SYTL2: variants seen among roughly 807,000 people sequenced by gnomAD.
SYTL2 encodes the protein synaptotagmin-like protein 2.
SYTL2 carries 165 observed loss-of-function variants against 198.7 expected under a neutral mutation model. That is an observed-to-expected ratio of 0.83 (90% CI 0.73 to 0.94). The LOEUF is 0.94. Ranked by LOEUF, SYTL2 falls within the 40% of genes least tolerant of loss-of-function variation. SYTL2 has a pLI of 0.00. For synonymous variants in SYTL2, 966 were observed against 917.7 expected (o/e 1.05, Z -0.95); for missense variants, 2,835 against 2,582.8 (o/e 1.10, Z -2.12).
At chr11:85,853,966 T>C in the SYTL2 span, 1 of 152,082 alleles carries the variant, frequency 6.6e-6, no homozygotes, top group Non-Finnish European at 1.5e-5. Flanking sequence ...GGCCTCCACC[T>C]CCGAAGTAGC....
chr11:85,735,757 CAA>C (rs879383911), intron 6 of SYTL2, among the ~76,000 whole-genome samples: 5 of 123,212 alleles, frequency 4.1e-5, no homozygotes, highest in African/African-American at 3.0e-5. Context: ...ACTCCATGGC[CAA>C]AAAAAAAAAA....
intron 1 of SYTL2, among the ~76,000 whole-genome samples, chr11:85,762,193 C>G (rs941794889): frequency 2.0e-5 from 3 of 152,200 alleles, no homozygotes; most frequent in Non-Finnish European, 4.4e-5. Flanking sequence ...AAGAGACTCA[C>G]CGACCCAGAC....
At chr11:85,797,862 C>G (rs750019578) in intron 1 of SYTL2, among the ~76,000 whole-genome samples, 21 of 151,460 alleles carry the variant, frequency 1.4e-4, no homozygotes, top group Admixed American at 2.0e-4. Context: ...TGTTGTTGTT[C>G]TTGCTGCTTG....
chr11:85,854,001 T>A, the SYTL2 span: 4 of 151,950 alleles, frequency 2.6e-5, no homozygotes, highest in African/African-American at 9.7e-5. Context: ...CTCACCACTA[T>A]GCCTGGCTAA....
At chr11:85,833,024 AAAGAAAGAAAGAAAGAAAGAAAG>A in the SYTL2 span, among the ~76,000 whole-genome samples, 82 of 18,524 alleles carry the variant, frequency 4.4e-3, 7 homozygotes, top group Admixed American at 0.017. Flanking sequence ...AGAAAGAAAG[AAAGAAAGAAAGAAAGAAAGAAAG>A]AAAGAAAGAA....
At chr11:85,810,002 G>C (rs1270362345) in intron 1 of SYTL2, among the ~76,000 whole-genome samples, 1 of 151,914 alleles carries the variant, frequency 6.6e-6, no homozygotes, top group African/African-American at 2.4e-5. Flanking sequence ...CACCATCCTG[G>C]TGGGGAATGG....
At chr11:85,710,083 C>A (rs2085982196) in intron 13 of SYTL2, among the ~76,000 whole-genome samples, 1 of 152,122 alleles carries the variant, frequency 6.6e-6, no homozygotes. Context: ...TGATTTTATG[C>A]TAGGTGGCAT....
chr11:85,775,063 GGA>G (rs2092428086), intron 1 of SYTL2, among the ~76,000 whole-genome samples: 1 of 152,014 alleles, frequency 6.6e-6, no homozygotes, highest in Admixed American at 6.6e-5. Context: ...GCTAGCTTAG[GGA>G]GAAAGAGATG....
upstream of SYTL2, among the ~76,000 whole-genome samples, chr11:85,815,411 A>AG (rs2153669091): frequency 6.6e-6 from 1 of 152,374 alleles, no homozygotes; most frequent in East Asian, 1.9e-4. Flanking sequence ...GAGTCACCAA[A>AG]GCAAGAATTT....
rs202186228 is a variant in SYTL2, at chr11:85,725,374, G to A, written c.3984C>T (p.Pro1328=). Residue 1328 remains proline, a synonymous_variant, in exon 8 of 20, where the codon CCC becomes CCT. Coordinates refer to ENST00000359152, the MANE Select transcript of SYTL2 (RefSeq NM_206927.4). ...KGSFGDVASP[P]QDMLFPQDAH... is the part of the protein sequence containing the mutation. ...CATCCTGGGGAAAAAGCATATCTTG[G>A]GGAGGGCTGGCCACATCCCCAAAAG... 94 of 1,613,824 alleles carry A rather than the reference G, an allele frequency of 5.8e-5. No individual in the cohort carries two copies. Among genetic ancestry groups the A allele is most frequent in the Admixed American group, 6.7e-5 (4 of 60,004 alleles).
intron 1 of SYTL2, among the ~76,000 whole-genome samples, chr11:85,767,611 T>C (rs1025606379): frequency 1.3e-5 from 2 of 152,074 alleles, no homozygotes; most frequent in Non-Finnish European, 2.9e-5. Flanking sequence ...TCACATACAC[T>C]CCTAACCAGA....
chr11:85,782,653 T>C (rs2092579591), intron 1 of SYTL2, among the ~76,000 whole-genome samples: 1 of 152,246 alleles, frequency 6.6e-6, no homozygotes, highest in Non-Finnish European at 1.5e-5. Flanking sequence ...AACTGAATGC[T>C]TTTAACAGCA....
intron 7 of SYTL2, 111 bp from the exon 8 acceptor site, chr11:85,728,078 A>T: frequency 1.1e-6 from 1 of 928,520 alleles, no homozygotes; most frequent in Non-Finnish European, 1.6e-6. Flanking sequence ...TTTCTATACC[A>T]ATAGCTGTTT....
At chr11:85,719,163 T>C (rs1446779709) in intron 9 of SYTL2, 2 of 1,361,462 alleles carry the variant, frequency 1.5e-6, no homozygotes, top group South Asian at 2.6e-5. Context: ...CTCTCTATTC[T>C]TCTGTAAAGG....
chr11:85,851,387 T>C, the SYTL2 span, among the ~76,000 whole-genome samples: 70 of 152,330 alleles, frequency 4.6e-4, no homozygotes, highest in African/African-American at 1.6e-3. Context: ...CTAGTTCGGG[T>C]CTTTACAAAT....
intron 1 of SYTL2, among the ~76,000 whole-genome samples, chr11:85,792,482 G>C (rs1330935582): frequency 6.6e-6 from 1 of 151,988 alleles, no homozygotes; most frequent in Non-Finnish European, 1.5e-5. Context: ...TGAAGTTGCA[G>C]AAAGTTATTT....
chr11:85,743,037 G>A (rs551651434), intron 4 of SYTL2, among the ~76,000 whole-genome samples: 12 of 152,242 alleles, frequency 7.9e-5, no homozygotes, highest in East Asian at 7.7e-4. Context: ...CCACAGAATC[G>A]TGCCCACAAC....
At chr11:85,700,485 C>A (rs1255538195) in intron 17 of SYTL2, 30 bp downstream of exon 17, 3 of 1,553,042 alleles carry the variant, frequency 1.9e-6, no homozygotes, top group South Asian at 1.1e-5. Flanking sequence ...AAGGAAAGGA[C>A]ATAAATCTGA....
At chr11:85,836,428 C>G in the SYTL2 span, among the ~76,000 whole-genome samples, 1 of 152,024 alleles carries the variant, frequency 6.6e-6, no homozygotes, top group Non-Finnish European at 1.5e-5. Context: ...CTGGAAATCT[C>G]TAATCTTATA....
Sources: gnomAD v4.1 joint callset for allele counts (sites outside exome capture counted in the v4.1 genomes callset) on GRCh38, gnomAD v4.1.1 for gene constraint, MANE v1.5 for transcripts, NCBI Gene and HGNC (gene_info 2026-07-23, HGNC 2026-07-21) for gene names.